Variants in CLEC16A observed in about 807,000 individuals in gnomAD.
CLEC16A encodes protein CLEC16A.
In CLEC16A, 51 loss-of-function variants were observed where a neutral mutation model predicts 109.5. The ratio of observed to expected loss-of-function variants is 0.47; its 90% confidence interval spans 0.37 to 0.59. The LOEUF is 0.59. Ranked by LOEUF, CLEC16A falls within the 20% of genes least tolerant of loss-of-function variation. CLEC16A has a pLI of 0.00. For missense variants in CLEC16A, 1,339 were observed against 1,394.0 expected (o/e 0.96, Z 0.63); for synonymous variants, 673 against 564.2 (o/e 1.19, Z -2.73).
At chr16:10,964,932 G>A (rs965682836) in intron 3 of CLEC16A, among the ~76,000 whole-genome samples, 11 of 152,200 alleles carry the variant, frequency 7.2e-5, no homozygotes, top group Admixed American at 7.2e-4. Flanking sequence ...TCTGTTAGCA[G>A]ATTTCAAGTC....
At position 11,002,925 on chromosome 16, in the gene CLEC16A, G is replaced by A. The variant is rs563510661; in HGVS notation, c.1072-149G>A. 7.4e-5 allele frequency: 47 copies of A among 632,270 alleles called. 1 individual carries two copies. The highest frequency in any genetic ancestry group is 7.2e-4 in the East Asian group (26 of 35,994). 39.2% of individuals were successfully genotyped at this position (632,270 alleles called of 1,614,324 possible). A position where few individuals can be genotyped will look rare whatever the true frequency, so the allele number is the denominator to read the frequency against. On this transcript the variant is annotated intron_variant, in intron 10 of 23. Transcript: ENST00000409790. ...TGTCTTTGCTATTGTGAATAGTCCC[G>A]CAGTAAGCATGCGAGTGCAGCTATC...
Position 11,174,062 on chromosome 16 carries a change from G to A in CLEC16A, c.2807-4273G>A. 2.5e-6 allele frequency: 1 copy of A among 407,906 alleles called. No homozygotes were observed. The highest frequency in any genetic ancestry group is 5.1e-6 in the Non-Finnish European group (1 of 194,370). 25.3% of individuals were successfully genotyped at this position (407,906 alleles called of 1,614,324 possible). ...GACCCTCGCCCCTCGTCAGTGCTCA[G>A]CGTCCGCTGCTGCTCAGTGTCCCCT... On this transcript the variant is annotated intron_variant, in intron 23 of 23. Transcript: ENST00000409790. This position sits in a 1 kb window ranked among gnomAD's most constrained non-coding sequence, Gnocchi z 4.7.
intron 22 of CLEC16A, among the ~76,000 whole-genome samples, chr16:11,148,780 G>A (rs1012380402): frequency 2.0e-5 from 3 of 152,090 alleles, no homozygotes; most frequent in Non-Finnish European, 4.4e-5. Flanking sequence ...ATGAGCCAAC[G>A]GCTGGCACCC....
At chr16:11,036,384 C>G (rs1023393671) in intron 13 of CLEC16A, among the ~76,000 whole-genome samples, 7 of 152,068 alleles carry the variant, frequency 4.6e-5, no homozygotes, top group African/African-American at 1.7e-4. Flanking sequence ...CCCTCCCTGT[C>G]CAGTTCAAGG....
intron 19 of CLEC16A, among the ~76,000 whole-genome samples, chr16:11,082,249 G>A (rs1035107889): frequency 1.3e-5 from 2 of 152,180 alleles, no homozygotes; most frequent in African/African-American, 2.4e-5. Context: ...AAATCGCGAC[G>A]GCGTGCTCTG....
At chr16:11,075,412 C>CTGTGTGTGTGTGTGTGTATGTGTG (rs375261875) in intron 19 of CLEC16A, among the ~76,000 whole-genome samples, 5 of 120,616 alleles carry the variant, frequency 4.1e-5, no homozygotes, top group African/African-American at 1.5e-4. Context: ...GTGTGTGTGT[C>CTGTGTGTGTGTGTGTGTATGTGTG]TGTGTGTGTG....
chr16:11,100,939 T>C (rs993554612), intron 19 of CLEC16A, among the ~76,000 whole-genome samples: 2 of 152,218 alleles, frequency 1.3e-5, no homozygotes, highest in Admixed American at 1.3e-4. Context: ...TACTGCTTTA[T>C]GGTCTGTCTG....
intron 19 of CLEC16A, among the ~76,000 whole-genome samples, chr16:11,068,714 C>T (rs1383386188): frequency 6.6e-6 from 1 of 152,254 alleles, no homozygotes; most frequent in Non-Finnish European, 1.5e-5. Context: ...CCTATTCAGC[C>T]TCTGCCGCAA....
intron 19 of CLEC16A, among the ~76,000 whole-genome samples, chr16:11,080,842 C>T (rs1181405959): frequency 1.3e-5 from 2 of 152,208 alleles, no homozygotes; most frequent in Non-Finnish European, 2.9e-5. Flanking sequence ...TTAGATTGGG[C>T]CTGTCCAGGT....
intron 13 of CLEC16A, among the ~76,000 whole-genome samples, chr16:11,035,405 T>G (rs1481092350): frequency 1.3e-5 from 2 of 152,216 alleles, no homozygotes; most frequent in Non-Finnish European, 2.9e-5. Context: ...TATGGACTGT[T>G]GTGTTTGTGC....
intron 13 of CLEC16A, among the ~76,000 whole-genome samples, 187 bp downstream of exon 13, chr16:11,025,108 C>G (rs2046335908): frequency 2.0e-5 from 3 of 152,140 alleles, no homozygotes; most frequent in Admixed American, 2.0e-4. Context: ...AGGTGTTTTT[C>G]TACCAACTGA....
At chr16:11,143,965 C>G (rs2053949445) in intron 22 of CLEC16A, among the ~76,000 whole-genome samples, 1 of 152,140 alleles carries the variant, frequency 6.6e-6, no homozygotes, top group African/African-American at 2.4e-5. Context: ...TGTGTTGTTA[C>G]TGATAAGGCT....
Position 10,954,459 on chromosome 16 carries a change from A to T in CLEC16A, c.81-3323A>T, listed in dbSNP as rs531880026. On this transcript the variant is annotated intron_variant, in intron 1 of 23. Transcript: ENST00000409790. This position sits in a 1 kb window ranked among gnomAD's most constrained non-coding sequence, Gnocchi z 4.2. ...TTATTTAATAAGGGCAACAATAACAATAGCTAGCACTTGTATCATACATAG... is the reference window on the plus strand; with the variant it reads ...TTATTTAATAAGGGCAACAATAACATTAGCTAGCACTTGTATCATACATAG... Among the ~76,000 whole-genome samples, 1 of 152,342 alleles carries T rather than the reference A, an allele frequency of 6.6e-6. No homozygotes were observed. Among genetic ancestry groups the T allele is most frequent in the Non-Finnish European group, 1.5e-5 (1 of 68,034 alleles).
intron 10 of CLEC16A, among the ~76,000 whole-genome samples, chr16:10,994,954 C>T (rs1596954134): frequency 6.6e-6 from 1 of 152,194 alleles, no homozygotes; most frequent in South Asian, 2.1e-4. Context: ...GAAGGTTGTG[C>T]ACCTGGGCAC....
intron 19 of CLEC16A, among the ~76,000 whole-genome samples, chr16:11,089,555 G>C (rs1230198306): frequency 1.3e-5 from 2 of 152,144 alleles, no homozygotes; most frequent in Non-Finnish European, 2.9e-5. Flanking sequence ...TGCCAACAGC[G>C]CAGGGAAATG....
intron 19 of CLEC16A, among the ~76,000 whole-genome samples, chr16:11,076,726 A>C (rs1052077393): frequency 1.3e-5 from 2 of 152,198 alleles, no homozygotes; most frequent in African/African-American, 4.8e-5. Flanking sequence ...AGTCAGGAGA[A>C]GGCCATCTCT....
chr16:11,064,602 C>A (rs762370843), intron 19 of CLEC16A, among the ~76,000 whole-genome samples: 2 of 152,078 alleles, frequency 1.3e-5, no homozygotes, highest in African/African-American at 2.4e-5. Flanking sequence ...CGTAGTGAGA[C>A]CTTGTCTCTA....
intron 1 of CLEC16A, 69 bp downstream of exon 1, chr16:10,944,866 G>C (rs1389234820): frequency 9.8e-6 from 14 of 1,431,508 alleles, no homozygotes; most frequent in Non-Finnish European, 9.6e-6. Context: ...GCTCCGGGTC[G>C]GGGCTCTAGG....
chr16:11,083,267 A>G (rs563305646), intron 19 of CLEC16A, among the ~76,000 whole-genome samples: 3 of 152,166 alleles, frequency 2.0e-5, no homozygotes, highest in Admixed American at 6.5e-5. Context: ...GGCTCAAGCA[A>G]TCCTCCCACC....
Sources: gnomAD v4.1 joint callset for allele counts (sites outside exome capture counted in the v4.1 genomes callset) on GRCh38, gnomAD v4.1.1 for gene constraint, Gnocchi (gnomAD v3.1) non-coding constraint, MANE v1.5 for transcripts, NCBI Gene and HGNC (gene_info 2026-07-23, HGNC 2026-07-21) for gene names.